The following TUSC3 variants were observed in gnomAD, a reference collection of about 807,000 sequenced individuals.
TUSC3 encodes tumor suppressor candidate 3, also known as dolichyl-diphosphooligosaccharide--protein glycosyltransferase subunit TUSC3.
Under a neutral mutation model 44.8 loss-of-function variants are expected in TUSC3, and 45 were observed. That is an observed-to-expected ratio of 1.00 (90% CI 0.79 to 1.29). The LOEUF (loss-of-function observed/expected upper bound fraction) is 1.29, where lower values mean the gene tolerates loss of function less well. Among genes scored for constraint, TUSC3 ranks in the 50% most tolerant of loss-of-function variants. The pLI, the probability that TUSC3 is intolerant of heterozygous loss-of-function variation, is 0.00. For synonymous variants in TUSC3, 212 were observed against 152.9 expected (o/e 1.39, Z -2.85); for missense variants, 519 against 437.9 (o/e 1.19, Z -1.65).
Position 15,623,114 on chromosome 8 carries a change from A to G in TUSC3, c.173A>G (p.Glu58Gly), listed in dbSNP as rs1316050837. Reference sequence around the variant, plus strand: ...GCTGAAAAAGTAGAGCAGCTGATGGAATGGAGTTCCAGACGCTCAATCTTC... The same window carrying G: ...GCTGAAAAAGTAGAGCAGCTGATGGGATGGAGTTCCAGACGCTCAATCTTC... Reference protein sequence around the residue: ...LLAEKVEQLMEWSSRRSIFRM... With the variant: ...LLAEKVEQLMGWSSRRSIFRM... The change falls in exon 2 of 11, where the codon GAA becomes GGA. Residue 58 changes from glutamate (E) to glycine (G), a missense_variant. Coordinates refer to ENST00000503731, the MANE Select transcript of TUSC3 (RefSeq NM_006765.4). The G allele has an allele frequency of 2.5e-6, 4 of 1,613,894 alleles. No individual in the cohort carries two copies. Among genetic ancestry groups the G allele is most frequent in the Non-Finnish European group, 2.5e-6 (3 of 1,179,886 alleles).
rs531665698 is a variant in TUSC3, at chr8:15,544,023, C to T, written c.138+3455C>T. On this transcript the variant is annotated intron_variant, in intron 1 of 10. Transcript: ENST00000503731. ...TTAAAAACAATGTTTTGTTATATTC[C>T]CTGTTGGAGAATGTGGTTGAGAGAG... Among the ~76,000 whole-genome samples, 21 of 151,590 alleles carry T rather than the reference C, an allele frequency of 1.4e-4. 1 individual carries two copies. The highest frequency in any genetic ancestry group is 1.4e-3 in the Admixed American group (21 of 15,198).
At chr8:15,465,378 T>C (rs376559638) in intron 1 of TUSC3, among the ~76,000 whole-genome samples, 4 of 152,274 alleles carry the variant, frequency 2.6e-5, no homozygotes, top group South Asian at 4.1e-4. Context: ...AAAAAAGATT[T>C]TGAACCACCA....
At chr8:15,718,551 T>C (rs1378988545) in intron 6 of TUSC3, among the ~76,000 whole-genome samples, 1 of 152,134 alleles carries the variant, frequency 6.6e-6, no homozygotes, top group African/African-American at 2.4e-5. Context: ...GGATCTTTCA[T>C]GTAAAAGAGC....
chr8:15,629,422 A>G (rs916794365), intron 2 of TUSC3, among the ~76,000 whole-genome samples: 13 of 152,122 alleles, frequency 8.5e-5, no homozygotes, highest in Admixed American at 2.6e-4. Context: ...CTAAGATGAA[A>G]AGGTGAAGAG....
intron 1 of TUSC3, among the ~76,000 whole-genome samples, chr8:15,481,804 T>C (rs1315747437): frequency 2.0e-5 from 3 of 152,224 alleles, no homozygotes; most frequent in Non-Finnish European, 4.4e-5. Flanking sequence ...GCGGAGGGTC[T>C]GGCCTTGATG....
chr8:15,481,843 G>C (rs914662543), intron 1 of TUSC3, among the ~76,000 whole-genome samples: 1 of 152,152 alleles, frequency 6.6e-6, no homozygotes, highest in Non-Finnish European at 1.5e-5. Flanking sequence ...TCAGGGTAGT[G>C]GTTGCTAAAA....
the TUSC3 span, among the ~76,000 whole-genome samples, chr8:15,840,836 G>T: frequency 2.6e-3 from 395 of 152,240 alleles, 4 homozygotes; most frequent in African/African-American, 9.0e-3. Flanking sequence ...AAAAATTTAT[G>T]CAGTCCCTAA....
At chr8:15,758,827 G>GGA (rs772976221) in intron 10 of TUSC3, among the ~76,000 whole-genome samples, 15 of 152,122 alleles carry the variant, frequency 9.9e-5, no homozygotes, top group Admixed American at 2.0e-4. Context: ...CTGAGCACTA[G>GGA]GAGACTGGAC....
At chr8:15,741,011 C>G (rs938938956) in intron 7 of TUSC3, among the ~76,000 whole-genome samples, 1 of 152,022 alleles carries the variant, frequency 6.6e-6, no homozygotes, top group Non-Finnish European at 1.5e-5. Context: ...AACATTGTAA[C>G]AATACAGAGG....
chr8:15,720,498 T>C (rs144560475), intron 6 of TUSC3, among the ~76,000 whole-genome samples: 3 of 152,214 alleles, frequency 2.0e-5, no homozygotes, highest in African/African-American at 7.2e-5. Context: ...GCCATTTTTA[T>C]TTCTTAGACA....
rs546868933 is a variant in TUSC3 at position 15,441,641 on chromosome 8, A to C, written n.91+24336A>C. On this transcript the variant is annotated intron_variant and non_coding_transcript_variant, in intron 1 of 5. Coordinates refer to the TUSC3 transcript ENST00000503191. ...CTTATCAATATTAGGGACATTTCTCATTCCTTAATAAGCACGTCTACCAAC... is the reference window on the plus strand; with the variant it reads ...CTTATCAATATTAGGGACATTTCTCCTTCCTTAATAAGCACGTCTACCAAC... Among the ~76,000 whole-genome samples the C allele has an allele frequency of 3.9e-5, 6 of 152,330 alleles. No homozygotes were observed. In the East Asian group the frequency reaches 1.2e-3, roughly 29 times the overall value.
chr8:15,736,719 C>T (rs1009621656), intron 7 of TUSC3, among the ~76,000 whole-genome samples: 5 of 152,048 alleles, frequency 3.3e-5, no homozygotes, highest in African/African-American at 1.2e-4. Context: ...AACTAATCTG[C>T]CTTTTTTTCT....
the TUSC3 span, chr8:15,806,133 C>T: frequency 2.2e-6 from 1 of 447,030 alleles, no homozygotes; most frequent in Non-Finnish European, 4.4e-6. Context: ...AACTCCATGG[C>T]TAGATGAGCA....
the TUSC3 span, among the ~76,000 whole-genome samples, chr8:15,794,181 C>T: frequency 6.6e-6 from 1 of 152,156 alleles, no homozygotes; most frequent in Non-Finnish European, 1.5e-5. Flanking sequence ...AGGACCTCAG[C>T]ATCATTTGGG....
chr8:15,418,567 C>T (rs1237713407), intron 1 of TUSC3, among the ~76,000 whole-genome samples: 2 of 151,954 alleles, frequency 1.3e-5, no homozygotes, highest in Non-Finnish European at 1.5e-5. Context: ...TATCAGAAAA[C>T]AAAAGTTATA....
At chr8:15,539,352 T>TTTTTTTTTTTTTG (rs1801593348), upstream of TUSC3, among the ~76,000 whole-genome samples, 1 of 128,450 alleles carries the variant, frequency 7.8e-6, no homozygotes, top group African/African-American at 3.0e-5. Flanking sequence ...GTTCTTTTTT[T>TTTTTTTTTTTTTG]TTTTTTTTTT....
intron 1 of TUSC3, among the ~76,000 whole-genome samples, chr8:15,443,390 G>T (rs1227879447): frequency 2.1e-5 from 3 of 145,312 alleles, no homozygotes; most frequent in East Asian, 4.2e-4. Flanking sequence ...GTAAAGATGG[G>T]GTTTCACCAT....
At chr8:15,736,215 A>AAG (rs1469565642) in intron 7 of TUSC3, among the ~76,000 whole-genome samples, 2 of 152,146 alleles carry the variant, frequency 1.3e-5, no homozygotes, top group Non-Finnish European at 2.9e-5. Flanking sequence ...TTACAGTCTA[A>AAG]AGGAAGAGGA....
intron 1 of TUSC3, among the ~76,000 whole-genome samples, chr8:15,543,776 A>G (rs1157587558): frequency 4.0e-5 from 6 of 150,934 alleles, no homozygotes; most frequent in East Asian, 2.0e-4. Flanking sequence ...ACTTTATAAT[A>G]ATAAATTATA....
Sources: gnomAD v4.1 joint callset for allele counts (sites outside exome capture counted in the v4.1 genomes callset) on GRCh38, gnomAD v4.1.1 for gene constraint, MANE v1.5 for transcripts, NCBI Gene and HGNC (gene_info 2026-07-23, HGNC 2026-07-21) for gene names.